The following USP34 variants were observed in gnomAD, a reference collection of about 807,000 sequenced individuals.
USP34 encodes the protein ubiquitin carboxyl-terminal hydrolase 34.
A neutral mutation model predicts 460.3 loss-of-function variants in USP34; 70 were observed. That is an observed-to-expected ratio of 0.15 (90% CI 0.13 to 0.19). The LOEUF (loss-of-function observed/expected upper bound fraction) is 0.19. Ranked by LOEUF, USP34 falls within the 10% of genes least tolerant of loss-of-function variation. The pLI is 1.00. For missense variants in USP34, 3,985 were observed against 4,236.2 expected, an observed-to-expected ratio of 0.94 and a Z score of 1.65; for synonymous variants, 1,647 against 1,405.3, an observed-to-expected ratio of 1.17 and a Z score of -3.85.
intron 10 of USP34, among the ~76,000 whole-genome samples, chr2:61,358,311 A>G (rs997089536): frequency 1.3e-5 from 2 of 152,016 alleles, no homozygotes; most frequent in African/African-American, 4.8e-5. Context: ...ACTATGGGGA[A>G]AAAAAAGACA....
At position 61,301,342 on chromosome 2, in the gene USP34, T is replaced by A; in HGVS notation, c.3918+12A>T. The A allele has an allele frequency of 1.2e-6, 2 of 1,610,344 alleles. No homozygotes were observed. Among genetic ancestry groups the A allele is most frequent in the Non-Finnish European group, 1.7e-6 (2 of 1,178,694 alleles). ...AGATCATTAAAACTCAAACCACGTT[T>A]TATATATGTACCTGCATATCCTTAA... On this transcript the variant is annotated intron_variant, in intron 28 of 79. Transcript: ENST00000398571.
chr2:61,409,815 G>C (rs992919723), intron 2 of USP34, among the ~76,000 whole-genome samples: 4 of 152,092 alleles, frequency 2.6e-5, no homozygotes, highest in African/African-American at 9.7e-5. Flanking sequence ...AAAATTATGT[G>C]AACAAAGTAA....
At chr2:61,377,738 C>T (rs1177588913) in intron 8 of USP34, among the ~76,000 whole-genome samples, 2 of 152,208 alleles carry the variant, frequency 1.3e-5, no homozygotes, top group African/African-American at 2.4e-5. Flanking sequence ...ATCCAATCTA[C>T]AGTACTTTGT....
At chr2:61,200,630 T>C (rs1686948502) in intron 75 of USP34, 1 of 152,338 alleles carries the variant, frequency 6.6e-6, no homozygotes, top group South Asian at 2.1e-4. Flanking sequence ...GTCACAATAT[T>C]TTAATATTGT....
chr2:61,383,208 T>C lies in USP34; in HGVS notation c.821+61A>G, dbSNP rs1185286031. On this transcript the variant is annotated intron_variant, in intron 6 of 79. Transcript: ENST00000398571. Reference sequence around the variant, plus strand: ...GACTTTCAAACAATATAATTCTATATTATAAATTGTTTAAATATATTACAC... The same window carrying C: ...GACTTTCAAACAATATAATTCTATACTATAAATTGTTTAAATATATTACAC... The C allele has an allele frequency of 9.1e-6, 11 of 1,209,472 alleles. 1 individual carries two copies. The highest frequency in any genetic ancestry group is 1.6e-5 in the African/African-American group (1 of 64,302). 74.9% of individuals were successfully genotyped at this position (1,209,472 alleles called of 1,614,324 possible). A position where few individuals can be genotyped will look rare whatever the true frequency, so the allele number is the denominator to read the frequency against.
chr2:61,206,871 G>A lies in USP34; in HGVS notation c.8935C>T (p.His2979Tyr). ...ILMTESFNTL[H>Y]MMYHEATACH... ...GCTGTAGCTTCGTGATACATCATGT[G>A]CAAAGTGTTGAAAGACTACAAATGA... is the stretch of plus-strand genomic sequence containing the variant. The change falls in exon 71 of 80, where the codon CAC (histidine) becomes TAC (tyrosine). Residue 2979 changes from histidine (H) to tyrosine (Y), a missense_variant. Coordinates refer to ENST00000398571, the MANE Select transcript of USP34 (RefSeq NM_014709.4). The A allele has an allele frequency of 6.2e-7, 1 of 1,611,288 alleles. No homozygotes were observed. The highest frequency in any genetic ancestry group is 8.5e-7 in the Non-Finnish European group (1 of 1,179,194).
At chr2:61,277,465 G>C (rs936562926) in intron 41 of USP34, among the ~76,000 whole-genome samples, 1 of 151,940 alleles carries the variant, frequency 6.6e-6, no homozygotes, top group Non-Finnish European at 1.5e-5. Flanking sequence ...TCGAACTCCT[G>C]GTTTCAAGCA....
At chr2:61,234,022 G>C (rs1161159186) in intron 57 of USP34, among the ~76,000 whole-genome samples, 2 of 152,098 alleles carry the variant, frequency 1.3e-5, no homozygotes, top group African/African-American at 2.4e-5. Flanking sequence ...GAAAAAAAAG[G>C]AATAGGGGAT....
At chr2:61,391,787 C>T (rs1448977351) in intron 5 of USP34, among the ~76,000 whole-genome samples, 1 of 152,102 alleles carries the variant, frequency 6.6e-6, no homozygotes, top group African/African-American at 2.4e-5. Flanking sequence ...GAACTCTAAG[C>T]TCTTAATGTA....
Position 61,314,930 on chromosome 2 carries a change from T to C in USP34, c.3327A>G (p.Gln1109=), listed in dbSNP as rs770529903. 27 of 1,613,780 alleles carry C rather than the reference T, an allele frequency of 1.7e-5. No individual in the cohort carries two copies. Among genetic ancestry groups the C allele is most frequent in the South Asian group, 1.6e-4 (15 of 91,066 alleles). The change falls in exon 24 of 80, where the codon CAA becomes CAG. Residue 1109 remains glutamine, a synonymous_variant. Transcript: ENST00000398571. The part of the protein sequence containing the change: ...DQFWGIALRA[Q]SGDVSRAAIQ... Reference sequence around the variant, plus strand: ...TAGCTGCTCGACTGACATCACCAGATTGTGCTCTTAAAGCAATGCCCCAAA... The same window carrying C: ...TAGCTGCTCGACTGACATCACCAGACTGTGCTCTTAAAGCAATGCCCCAAA...
chr2:61,229,483 A>AAAC, intron 59 of USP34, 65 bp downstream of exon 59: 4 of 805,772 alleles, frequency 5.0e-6, no homozygotes, highest in Non-Finnish European at 6.7e-6. Flanking sequence ...AAACAAAAAA[A>AAAC]AAAAACAAAA....
At chr2:61,248,819 A>C in intron 48 of USP34, 136 bp from the exon 49 acceptor site, 3 of 746,020 alleles carry the variant, frequency 4.0e-6, no homozygotes, top group Non-Finnish European at 6.0e-6. Context: ...TCCACAGGGG[A>C]TACCTTCTGA....
chr2:61,405,619 G>A, intron 3 of USP34, 89 bp downstream of exon 3: 1 of 1,203,262 alleles, frequency 8.3e-7, no homozygotes, highest in Non-Finnish European at 1.1e-6. Context: ...TCCGCCAGCA[G>A]AAAACTGTCT....
intron 67 of USP34, among the ~76,000 whole-genome samples, chr2:61,215,334 G>A (rs2103794854): frequency 6.6e-6 from 1 of 152,086 alleles, no homozygotes; most frequent in African/African-American, 2.4e-5. Context: ...ATATATTTAA[G>A]TTATAAAGAA....
At chr2:61,338,222 G>A (rs1691485553) in intron 18 of USP34, among the ~76,000 whole-genome samples, 1 of 152,198 alleles carries the variant, frequency 6.6e-6, no homozygotes, top group Non-Finnish European at 1.5e-5. Flanking sequence ...TCAGGAGGCT[G>A]AGGTGGGAGA....
Position 61,187,988 on chromosome 2 carries a change from T to A in USP34, c.*114A>T, listed in dbSNP as rs535774131. 2 of 1,481,808 alleles carry A rather than the reference T, an allele frequency of 1.3e-6. No homozygotes were observed. Among genetic ancestry groups the A allele is most frequent in the East Asian group, 4.7e-5 (2 of 42,626 alleles). The allele number at this position is 1,481,808 out of a possible 1,614,324, so 91.8% of individuals were successfully genotyped here. Reference sequence around the variant, plus strand: ...TTAAGCCTATAAATCTATCTTGCCATTCAAGCAGAGAGCACTGGACAAACT... The same window carrying A: ...TTAAGCCTATAAATCTATCTTGCCAATCAAGCAGAGAGCACTGGACAAACT... On this transcript the variant is annotated 3_prime_UTR_variant, in exon 80 of 80. Transcript: ENST00000398571.
intron 30 of USP34, among the ~76,000 whole-genome samples, chr2:61,295,699 C>A (rs1416482877): frequency 6.6e-6 from 1 of 152,126 alleles, no homozygotes; most frequent in African/African-American, 2.4e-5. Flanking sequence ...CTGTTTTCTA[C>A]TGTCAATTCA....
intron 15 of USP34, among the ~76,000 whole-genome samples, chr2:61,346,085 T>C (rs1275325791): frequency 6.6e-6 from 1 of 152,206 alleles, no homozygotes; most frequent in Non-Finnish European, 1.5e-5. Context: ...AAAATTTCCC[T>C]TTCTTAATCA....
intron 27 of USP34, among the ~76,000 whole-genome samples, chr2:61,309,485 G>A (rs1330240677): frequency 1.3e-5 from 2 of 152,140 alleles, no homozygotes; most frequent in African/African-American, 2.4e-5. Context: ...TTGGAAAAAT[G>A]CATTGAGGGT....
Sources: gnomAD v4.1 joint callset for allele counts (sites outside exome capture counted in the v4.1 genomes callset) on GRCh38, gnomAD v4.1.1 for gene constraint, MANE v1.5 for transcripts, NCBI Gene and HGNC (gene_info 2026-07-23, HGNC 2026-07-21) for gene names.